The following CACUL1 variants were observed in gnomAD, a reference collection of about 807,000 sequenced individuals.
The protein encoded by CACUL1 is CDK2-associated and cullin domain-containing protein 1.
CACUL1 carries 13 observed loss-of-function variants against 45.2 expected under a neutral mutation model. That is an observed-to-expected ratio of 0.29 (90% confidence interval 0.19 to 0.46). CACUL1 has a LOEUF of 0.46. CACUL1 is among the 20% of genes least tolerant of loss of function. The probability of loss-of-function intolerance (pLI) is 1.00; values close to 1 mark genes in which losing one functional copy is unlikely to be tolerated. For synonymous variants in CACUL1, 197 were observed against 174.2 expected (o/e 1.13, Z -1.03); for missense variants, 421 against 471.4 (o/e 0.89, Z 0.99).
intron 5 of CACUL1, among the ~76,000 whole-genome samples, chr10:118,697,969 C>T (rs1372794514): frequency 1.3e-5 from 2 of 151,980 alleles, no homozygotes; most frequent in African/African-American, 4.8e-5. Context: ...ACCATGGAGC[C>T]GATAGAAAAC....
chr10:118,697,044 T>A (rs1440072959), intron 5 of CACUL1, among the ~76,000 whole-genome samples: 2 of 152,206 alleles, frequency 1.3e-5, no homozygotes, highest in Non-Finnish European at 2.9e-5. Context: ...AGAAATTAAT[T>A]TGAAATAAAT....
chr10:118,695,337 AG>A (rs1845312513), intron 5 of CACUL1, 107 bp from the exon 6 acceptor site: 2 of 705,798 alleles, frequency 2.8e-6, no homozygotes, highest in African/African-American at 1.8e-5. Flanking sequence ...ATTGTAAGAA[AG>A]GAACAGTCCA....
intron 3 of CACUL1, among the ~76,000 whole-genome samples, chr10:118,715,350 G>A (rs555202226): frequency 6.6e-6 from 1 of 152,294 alleles, no homozygotes; most frequent in Admixed American, 6.5e-5. Context: ...GCTAAACAAG[G>A]AAGGTTGATT....
intron 2 of CACUL1, among the ~76,000 whole-genome samples, 187 bp from the exon 3 acceptor site, chr10:118,729,584 T>C (rs1315752547): frequency 6.6e-6 from 1 of 152,246 alleles, no homozygotes; most frequent in Admixed American, 6.5e-5. Flanking sequence ...GAAAAGATAG[T>C]ACCATCTGCT....
chr10:118,737,689 T>A, intron 1 of CACUL1, among the ~76,000 whole-genome samples: 1 of 141,428 alleles, frequency 7.1e-6, no homozygotes, highest in African/African-American at 2.6e-5. Flanking sequence ...ACTACTATCT[T>A]AAAAAAAAAA....
At chr10:118,699,362 A>G (rs1845354508) in intron 5 of CACUL1, among the ~76,000 whole-genome samples, 1 of 152,184 alleles carries the variant, frequency 6.6e-6, no homozygotes. Context: ...TTTATTGAAA[A>G]CCGGACAACA....
At chr10:118,695,808 AC>A (rs1381828855) in intron 5 of CACUL1, among the ~76,000 whole-genome samples, 6 of 152,248 alleles carry the variant, frequency 3.9e-5, no homozygotes, top group African/African-American at 1.4e-4. Context: ...ATCTACTGCC[AC>A]ACAAACATTT....
chr10:118,723,094 T>C (rs1394804905), intron 3 of CACUL1, among the ~76,000 whole-genome samples: 5 of 148,674 alleles, frequency 3.4e-5, no homozygotes, highest in African/African-American at 1.3e-4. Context: ...CTTTTTTTAA[T>C]GTAGTGCTTA....
chr10:118,682,391 A>G lies in CACUL1; in HGVS notation c.*3737T>C, dbSNP rs1379758397. 2 of 152,312 alleles carry G rather than the reference A, an allele frequency of 1.3e-5. No individual in the cohort carries two copies. Among genetic ancestry groups the G allele is most frequent in the Non-Finnish European group, 2.9e-5 (2 of 68,038 alleles). The allele number at this position is 152,312 out of a possible 1,614,324, so 9.4% of individuals were successfully genotyped here. On this transcript the variant is annotated 3_prime_UTR_variant, in exon 9 of 9. Coordinates refer to ENST00000369151, the MANE Select transcript of CACUL1 (RefSeq NM_153810.5). ...AATCACAAAAATAATTAACTGCTAT[A>G]AAACGGGAAAAAAAGTAGAAGAAAA...
At chr10:118,716,605 C>CTT (rs61613528) in intron 3 of CACUL1, among the ~76,000 whole-genome samples, 74,843 of 139,650 alleles carry the variant, frequency 0.54, 21,220 homozygotes, top group Middle Eastern at 0.65. Context: ...AACACAACCT[C>CTT]TTTTTTTTTT....
At chr10:118,743,740 A>G (rs922480511) in intron 1 of CACUL1, among the ~76,000 whole-genome samples, 2 of 152,066 alleles carry the variant, frequency 1.3e-5, no homozygotes, top group Non-Finnish European at 2.9e-5. Context: ...CAAAAAAAGG[A>G]AAAAAGAAAC....
chr10:118,729,461 G>C, intron 2 of CACUL1, 64 bp from the exon 3 acceptor site: 1 of 1,122,298 alleles, frequency 8.9e-7, no homozygotes, highest in Non-Finnish European at 1.3e-6. Flanking sequence ...TCAGTCCAAG[G>C]TTAAAGCACA....
chr10:118,726,444 C>G (rs1845652170), intron 3 of CACUL1: 1 of 573,164 alleles, frequency 1.7e-6, no homozygotes, highest in South Asian at 1.9e-5. Context: ...AGTCCCTCCC[C>G]CTCAAGGAAG....
intron 5 of CACUL1, among the ~76,000 whole-genome samples, chr10:118,699,380 G>A (rs1845354849): frequency 6.6e-6 from 1 of 152,160 alleles, no homozygotes; most frequent in South Asian, 2.1e-4. Flanking sequence ...ACATGATTAT[G>A]ATTATGTTTT....
intron 7 of CACUL1, among the ~76,000 whole-genome samples, chr10:118,687,703 C>G (rs1013172965): frequency 3.3e-5 from 5 of 152,242 alleles, no homozygotes; most frequent in Non-Finnish European, 7.3e-5. Flanking sequence ...ACTCTCCCAC[C>G]TCACTTTCCT....
chr10:118,753,248 C>T (rs966435348), intron 1 of CACUL1, among the ~76,000 whole-genome samples: 1 of 152,224 alleles, frequency 6.6e-6, no homozygotes, highest in Non-Finnish European at 1.5e-5. Context: ...ACCAAACGTA[C>T]ATATCAATGT....
chr10:118,750,860 G>A (rs1400484262), intron 1 of CACUL1, among the ~76,000 whole-genome samples: 1 of 152,154 alleles, frequency 6.6e-6, no homozygotes, highest in Non-Finnish European at 1.5e-5. Flanking sequence ...TGGGTATATA[G>A]TAGGCATATA....
At chr10:118,754,307 AG>A (rs1845930800) in intron 1 of CACUL1, 88 bp downstream of exon 1, 3 of 1,423,912 alleles carry the variant, frequency 2.1e-6, no homozygotes, top group Non-Finnish European at 2.8e-6. Context: ...CCTGAAACAA[AG>A]GAAGCGGAGC....
intron 3 of CACUL1, among the ~76,000 whole-genome samples, chr10:118,716,021 G>A (rs887029708): frequency 6.6e-6 from 1 of 152,064 alleles, no homozygotes; most frequent in Non-Finnish European, 1.5e-5. Flanking sequence ...CGGATCACGA[G>A]GTCAGGAGGT....
Sources: gnomAD v4.1 joint callset for allele counts (sites outside exome capture counted in the v4.1 genomes callset) on GRCh38, gnomAD v4.1.1 for gene constraint, MANE v1.5 for transcripts, NCBI Gene and HGNC (gene_info 2026-07-23, HGNC 2026-07-21) for gene names.